The following ZNF106 variants were observed in gnomAD, a reference collection of about 807,000 sequenced individuals.
The protein encoded by ZNF106 is SH3-domain binding protein 3.
Under a neutral mutation model 195.1 loss-of-function variants are expected in ZNF106, and 67 were observed. The ratio of observed to expected loss-of-function variants is 0.34; its 90% CI spans 0.28 to 0.42. The LOEUF (loss-of-function observed/expected upper bound fraction) is 0.42. ZNF106 is among the 10% of genes least tolerant of loss of function. The pLI, the probability that ZNF106 is intolerant of heterozygous loss-of-function variation, is 1.00. For missense variants in ZNF106, 2,118 were observed against 2,304.5 expected (o/e 0.92, Z 1.66); for synonymous variants, 784 against 818.6 (o/e 0.96, Z 0.72).
rs1288021007 is a variant in ZNF106, at chr15:42,457,597, AG to A, written c.117-440del. 8 of 971,610 alleles carry A rather than the reference AG, an allele frequency of 8.2e-6. No individual in the cohort carries two copies. The East Asian group carries it at 7.2e-4, about 87-fold the overall frequency. 60.2% of individuals were successfully genotyped at this position (971,610 alleles called of 1,614,324 possible). A position where few individuals can be genotyped will look rare whatever the true frequency, so the allele number is the denominator to read the frequency against. On this transcript the variant is annotated intron_variant, in intron 3 of 21. Coordinates refer to ENST00000564754, the MANE Select transcript of ZNF106 (RefSeq NM_001366845.3). ...TAGAGCTTTCTTCCAGTGAAAGTTAAGGGGTGGAAACAAGAGTAGGTGGCGC... is the reference window on the plus strand; with the variant it reads ...TAGAGCTTTCTTCCAGTGAAAGTTAAGGGTGGAAACAAGAGTAGGTGGCGC...
intron 4 of ZNF106, among the ~76,000 whole-genome samples, chr15:42,453,464 T>G (rs928748767): frequency 2.6e-5 from 4 of 152,224 alleles, no homozygotes; most frequent in African/African-American, 9.6e-5. Flanking sequence ...GGCATGGTGC[T>G]TAGCATGTGG....
chr15:42,473,295 C>G (rs2056718846), intron 1 of ZNF106, among the ~76,000 whole-genome samples: 1 of 152,198 alleles, frequency 6.6e-6, no homozygotes, highest in African/African-American at 2.4e-5. Flanking sequence ...TATGTAATTC[C>G]TCTGCTCAGA....
At chr15:42,459,822 C>T (rs376492684) in intron 3 of ZNF106, among the ~76,000 whole-genome samples, 3 of 151,940 alleles carry the variant, frequency 2.0e-5, no homozygotes, top group African/African-American at 7.2e-5. Context: ...GGGTGGATCA[C>T]GAGGTCAGGA....
chr15:42,421,982 C>A lies in ZNF106; in HGVS notation c.5380G>T (p.Asp1794Tyr). Residue 1794 changes from aspartate (D) to tyrosine (Y), a missense_variant, in exon 19 of 22, where the codon GAT (aspartate) becomes TAT (tyrosine). By Grantham distance (160) the Asp-to-Tyr change is radical. Transcript: ENST00000564754. ...TGTCCTCCATAAACTTGTAATCGATCATGAGACTTAGGCAGAAAAAAAAAA... is the reference window on the plus strand; with the variant it reads ...TGTCCTCCATAAACTTGTAATCGATAATGAGACTTAGGCAGAAAAAAAAAA... ...FVRVYELQSH[D>Y]RLQVYGGHKD... is the part of the protein sequence containing the mutation. 6.3e-7 allele frequency: 1 copy of A among 1,576,848 alleles called. No homozygotes were observed. Among genetic ancestry groups the A allele is most frequent in the South Asian group, 1.1e-5 (1 of 87,018 alleles).
rs942413194 is a variant in ZNF106, at chr15:42,413,451, A to G, written c.*3853T>C. 106 of 152,702 alleles carry G rather than the reference A, an allele frequency of 6.9e-4. No homozygotes were observed. The highest frequency in any genetic ancestry group is 2.4e-3 in the African/African-American group (99 of 41,576). 9.5% of individuals were successfully genotyped at this position (152,702 alleles called of 1,614,324 possible). A position where few individuals can be genotyped will look rare whatever the true frequency, so the allele number is the denominator to read the frequency against. On this transcript the variant is annotated 3_prime_UTR_variant, in exon 22 of 22. Transcript: ENST00000564754. Reference sequence around the variant, plus strand: ...ACAGAAACAAAATTTAGATGTAAGCATAAACTGCAGTTATTTGAGCAAACC... The same window carrying G: ...ACAGAAACAAAATTTAGATGTAAGCGTAAACTGCAGTTATTTGAGCAAACC...
intron 1 of ZNF106, among the ~76,000 whole-genome samples, chr15:42,480,198 T>C (rs540011789): frequency 3.5e-4 from 54 of 152,346 alleles, no homozygotes; most frequent in Non-Finnish European, 6.3e-4. Context: ...TTCCTTTAGT[T>C]GTATCCATTT....
chr15:42,423,379 A>AAAAG (rs1322949046), intron 17 of ZNF106, among the ~76,000 whole-genome samples: 2 of 151,480 alleles, frequency 1.3e-5, no homozygotes, highest in African/African-American at 4.8e-5. Context: ...TCAAAAAAAA[A>AAAAG]AAAGAAAGAA....
At position 42,444,991 on chromosome 15, in the gene ZNF106, G is replaced by C. The variant is rs766103612; in HGVS notation, c.3206-10C>G. On this transcript the variant is annotated splice_polypyrimidine_tract_variant and intron_variant, in intron 7 of 21. Transcript: ENST00000564754. ...TCAACCTGAGAACGTTCTGCCAAAAGAAATCATAAGGTTCAGGTTAATACG... is the reference window on the plus strand; with the variant it reads ...TCAACCTGAGAACGTTCTGCCAAAACAAATCATAAGGTTCAGGTTAATACG... 8 of 1,613,944 alleles carry C rather than the reference G, an allele frequency of 5.0e-6. No homozygotes were observed. Among genetic ancestry groups the C allele is most frequent in the Admixed American group, 1.7e-5 (1 of 59,996 alleles).
chr15:42,440,998 A>AATATATATATAT (rs56924955), intron 10 of ZNF106, among the ~76,000 whole-genome samples: 8 of 23,570 alleles, frequency 3.4e-4, no homozygotes, highest in East Asian at 1.3e-3. Flanking sequence ...AAAAAAAAAA[A>AATATATATATAT]ATATATATAT....
chr15:42,423,623 C>T (rs893003569), intron 17 of ZNF106, among the ~76,000 whole-genome samples: 3 of 152,124 alleles, frequency 2.0e-5, no homozygotes, highest in Non-Finnish European at 4.4e-5. Flanking sequence ...AGTGATCTTC[C>T]CACCTCAGCC....
chr15:42,469,866 A>G (rs1001080483), intron 2 of ZNF106, among the ~76,000 whole-genome samples: 1 of 151,636 alleles, frequency 6.6e-6, no homozygotes, highest in Non-Finnish European at 1.5e-5. Context: ...AACAAAAAAA[A>G]AAAAAGAAAA....
intron 10 of ZNF106, among the ~76,000 whole-genome samples, chr15:42,441,570 G>A (rs2055538081): frequency 2.0e-5 from 3 of 152,152 alleles, no homozygotes; most frequent in Admixed American, 6.6e-5. Context: ...AACCAGGTAA[G>A]TGTTATTTTT....
chr15:42,413,000 A>T lies in ZNF106; in HGVS notation c.*4304T>A, dbSNP rs2054320621. On this transcript the variant is annotated 3_prime_UTR_variant, in exon 22 of 22. Transcript: ENST00000564754. Reference sequence around the variant, plus strand: ...ATCCATATTCAATATTAAAAAAATCAGAAACCAAGGGTGCTGGAGCAGCTC... The same window carrying T: ...ATCCATATTCAATATTAAAAAAATCTGAAACCAAGGGTGCTGGAGCAGCTC... 6.6e-6 allele frequency: 1 copy of T among 152,214 alleles called. No homozygotes were observed. Among genetic ancestry groups the T allele is most frequent in the Non-Finnish European group, 1.5e-5 (1 of 68,034 alleles). The allele number at this position is 152,214 out of a possible 1,614,324, so 9.4% of individuals were successfully genotyped here. A position where few individuals can be genotyped will look rare whatever the true frequency, so the allele number is the denominator to read the frequency against.
chr15:42,476,020 A>G (rs1473161815), intron 1 of ZNF106, among the ~76,000 whole-genome samples: 1 of 152,226 alleles, frequency 6.6e-6, no homozygotes, highest in East Asian at 1.9e-4. Context: ...AAAAAAATAA[A>G]GCCATACAAT....
chr15:42,435,780 GA>G (rs2055251857), intron 13 of ZNF106, among the ~76,000 whole-genome samples: 1 of 152,144 alleles, frequency 6.6e-6, no homozygotes, highest in Admixed American at 6.5e-5. Context: ...AAGACAGCCA[GA>G]ATTTTAATTA....
chr15:42,443,591 A>G (rs1245552846), intron 9 of ZNF106, among the ~76,000 whole-genome samples: 1 of 152,170 alleles, frequency 6.6e-6, no homozygotes, highest in Admixed American at 6.5e-5. Context: ...ATAACCAGGC[A>G]TGGTGACACA....
Position 42,415,260 on chromosome 15 carries a change from TACAGGCACATACC to T in ZNF106, c.*2031_*2043del, listed in dbSNP as rs1040177061. ...TCTCAGCCTCCTGAGTAGCTGAGAC[TACAGGCACATACC>T]ACCACACCCAGCTAATTTTTGTATT... On this transcript the variant is annotated 3_prime_UTR_variant, in exon 22 of 22. Transcript: ENST00000564754. 1.5e-5 allele frequency: 5 copies of T among 334,648 alleles called. No individual in the cohort carries two copies. Among genetic ancestry groups the T allele is most frequent in the African/African-American group, 1.1e-4 (5 of 45,758 alleles). 20.7% of individuals were successfully genotyped at this position (334,648 alleles called of 1,614,324 possible).
intron 13 of ZNF106, among the ~76,000 whole-genome samples, chr15:42,436,819 G>A (rs968757112): frequency 6.6e-6 from 1 of 152,146 alleles, no homozygotes; most frequent in Non-Finnish European, 1.5e-5. Flanking sequence ...TGCTATGCAA[G>A]TGACCCCATT....
At chr15:42,454,197 C>T (rs1439504827) in intron 4 of ZNF106, among the ~76,000 whole-genome samples, 3 of 152,044 alleles carry the variant, frequency 2.0e-5, no homozygotes, top group African/African-American at 2.4e-5. Context: ...TTTCACAAGA[C>T]GGAATTTAAA....
Sources: allele counts gnomAD v4.1 joint callset (sites outside exome capture counted in the v4.1 genomes callset), GRCh38; gene constraint gnomAD v4.1.1; transcripts MANE v1.5; gene names NCBI Gene and HGNC (gene_info 2026-07-23, HGNC 2026-07-21).